SPINK5: variants seen among roughly 807,000 people sequenced by gnomAD.
The protein encoded by SPINK5 is serine peptidase inhibitor Kazal type 5.
SPINK5 carries 125 observed loss-of-function variants against 151.8 expected under a neutral mutation model. The observed-to-expected ratio is 0.82, with a 90% CI of 0.71 to 0.96. The LOEUF is 0.96. Ranked by LOEUF, SPINK5 falls within the 40% of genes least tolerant of loss-of-function variation. The pLI, the probability that SPINK5 is intolerant of heterozygous loss-of-function variation, is 0.00. For missense variants in SPINK5, 1,194 were observed against 1,291.9 expected (o/e 0.92, Z 1.16); for synonymous variants, 374 against 395.3 (o/e 0.95, Z 0.64).
intron 4 of SPINK5, among the ~76,000 whole-genome samples, chr5:148,076,162 C>A (rs928053109): frequency 6.6e-6 from 1 of 151,728 alleles, no homozygotes; most frequent in Non-Finnish European, 1.5e-5. Context: ...CTCCCCTGTA[C>A]ACAAAGGTCT....
At chr5:148,129,096 G>C (rs140298123) in intron 30 of SPINK5, among the ~76,000 whole-genome samples, 1 of 152,122 alleles carries the variant, frequency 6.6e-6, no homozygotes, top group South Asian at 2.1e-4. Context: ...GATTCTGTAG[G>C]TATATCTGAG....
intron 12 of SPINK5, among the ~76,000 whole-genome samples, chr5:148,099,533 G>A (rs992277766): frequency 1.3e-5 from 2 of 150,868 alleles, no homozygotes; most frequent in African/African-American, 4.9e-5. Flanking sequence ...TTTAAAAGCT[G>A]AAAAACTGAG....
In SPINK5 at chr5:148,095,890, TAAA is replaced by T; in HGVS notation, c.869_871del (p.Lys290del). The T allele has an allele frequency of 6.2e-7, 1 of 1,611,754 alleles. No homozygotes were observed. Reference sequence around the variant, plus strand: ...GAAAAGCTGAAGAAAAAACTAAAGTTAAAAGAGAAATTGTGGTGAGAATCAGTT... The same window carrying T: ...GAAAAGCTGAAGAAAAAACTAAAGTTAGAGAAATTGTGGTGAGAATCAGTT... On this transcript the variant is annotated inframe_deletion, in exon 10 of 33. Transcript: ENST00000256084.
At chr5:148,119,716 G>A (rs1754200509) in intron 24 of SPINK5, among the ~76,000 whole-genome samples, 1 of 152,164 alleles carries the variant, frequency 6.6e-6, no homozygotes, top group Non-Finnish European at 1.5e-5. Context: ...AAGAACCTTT[G>A]TGATTACATG....
intron 1 of SPINK5, among the ~76,000 whole-genome samples, chr5:148,064,518 C>A (rs1263199965): frequency 2.0e-5 from 3 of 152,024 alleles, no homozygotes; most frequent in Non-Finnish European, 4.4e-5. Context: ...ATTCAATCAT[C>A]TGTTCTTATT....
At chr5:148,108,088 C>T (rs1000211818) in intron 17 of SPINK5, among the ~76,000 whole-genome samples, 2 of 151,896 alleles carry the variant, frequency 1.3e-5, no homozygotes, top group African/African-American at 4.8e-5. Flanking sequence ...TTCTCTCACC[C>T]GTTCAATTTG....
intron 4 of SPINK5, among the ~76,000 whole-genome samples, chr5:148,072,811 T>G (rs2127192509): frequency 6.6e-6 from 1 of 151,572 alleles, no homozygotes; most frequent in Admixed American, 6.6e-5. Flanking sequence ...TGTTTATATC[T>G]ATTTTGCAGA....
intron 22 of SPINK5, among the ~76,000 whole-genome samples, chr5:148,118,177 C>G (rs1161282575): frequency 1.3e-5 from 2 of 152,160 alleles, no homozygotes; most frequent in Non-Finnish European, 2.9e-5. Context: ...CGCCACCATG[C>G]CCAGCTAATT....
At position 148,072,203 on chromosome 5, in the gene SPINK5, G is replaced by A. The variant is rs764171624; in HGVS notation, c.265G>A (p.Ala89Thr). The A allele has an allele frequency of 6.2e-7, 1 of 1,612,222 alleles. No homozygotes were observed. The highest frequency in any genetic ancestry group is 8.5e-7 in the Non-Finnish European group (1 of 1,178,666). ...RARHLARAPK[A>T]TAPTELNCDD... ...CAGGCATTTAGCAAGAGCTCCCAAG[G>A]CTACTGCCCCAACAGAGGTGAGACT... The change falls in exon 4 of 33, where the codon GCT (alanine) becomes ACT (threonine). Residue 89 changes from alanine to threonine, a missense_variant. Ala to Thr is a moderately conservative substitution (Grantham distance 58, BLOSUM62 0). Transcript: ENST00000256084.
At chr5:148,066,424 G>A (rs1323069969) in intron 2 of SPINK5, among the ~76,000 whole-genome samples, 2 of 151,952 alleles carry the variant, frequency 1.3e-5, no homozygotes, top group South Asian at 2.1e-4. Context: ...CTCTGGCCAC[G>A]AACATTAAAG....
chr5:148,123,414 T>TTATATATAGATAGATATCTATCTATCTA (rs1554106759), intron 26 of SPINK5, among the ~76,000 whole-genome samples: 1 of 134,954 alleles, frequency 7.4e-6, no homozygotes, highest in Non-Finnish European at 1.5e-5. Flanking sequence ...ATATAATATA[T>TTATATATAGATAGATATCTATCTATCTA]TATATATATA....
Position 148,101,778 on chromosome 5 carries a change from C to T in SPINK5, c.1303-3C>T. On this transcript the variant is annotated splice_region_variant and splice_polypyrimidine_tract_variant and intron_variant, in intron 14 of 32. Transcript: ENST00000256084. Reference sequence around the variant, plus strand: ...CTTTCAACTTCCTGCCTCAATTTCACAGGAGTTGTGTAGTGAATACCGCAA... The same window carrying T: ...CTTTCAACTTCCTGCCTCAATTTCATAGGAGTTGTGTAGTGAATACCGCAA... 1.9e-6 allele frequency: 3 copies of T among 1,613,664 alleles called. No homozygotes were observed. The highest frequency in any genetic ancestry group is 2.5e-6 in the Non-Finnish European group (3 of 1,179,692).
At chr5:148,103,300 A>G (rs1226046433) in intron 15 of SPINK5, among the ~76,000 whole-genome samples, 1 of 152,148 alleles carries the variant, frequency 6.6e-6, no homozygotes, top group African/African-American at 2.4e-5. Context: ...AAAAAACAAA[A>G]CTAAGGCCCA....
In SPINK5 at chr5:148,086,522, G is replaced by T; in HGVS notation, c.400G>T (p.Ala134Ser). 1 of 1,611,166 alleles carries T rather than the reference G, an allele frequency of 6.2e-7. No homozygotes were observed. The highest frequency in any genetic ancestry group is 8.5e-7 in the Non-Finnish European group (1 of 1,178,422). ...KTYDNRCALCAENAKTGSQIG... is the reference protein window; with the variant it reads ...KTYDNRCALCSENAKTGSQIG... ...ATATGACAACAGATGTGCACTGTGTGCTGAGAATGCGTGAGTATTCTCTGA... is the reference window on the plus strand; with the variant it reads ...ATATGACAACAGATGTGCACTGTGTTCTGAGAATGCGTGAGTATTCTCTGA... Residue 134 changes from alanine to serine, a missense_variant, in exon 5 of 33, where the codon GCT becomes TCT. By Grantham distance (99) the Ala-to-Ser change is moderately conservative. Transcript: ENST00000256084.
At chr5:148,073,470 T>TG (rs1334274426) in intron 4 of SPINK5, among the ~76,000 whole-genome samples, 1 of 151,874 alleles carries the variant, frequency 6.6e-6, no homozygotes, top group African/African-American at 2.4e-5. Flanking sequence ...CTACAAAATC[T>TG]GTGGGGGCCA....
chr5:148,111,101 A>G (rs1375353116), intron 18 of SPINK5, among the ~76,000 whole-genome samples: 1 of 151,960 alleles, frequency 6.6e-6, no homozygotes, highest in African/African-American at 2.4e-5. Context: ...GCAGAGCTGT[A>G]TTCCTTTTCT....
rs2303074 is a variant in SPINK5 at position 148,124,978 on chromosome 5, A to G, written c.2739+141A>G. ...GATTTTTCTTGTCTTGTCACTTTGT[A>G]TCATAACAAGATTTTTGGGGGTTTG... On this transcript the variant is annotated intron_variant, in intron 28 of 32. Transcript: ENST00000256084. 6.4e-6 allele frequency: 8 copies of G among 1,250,946 alleles called. No individual in the cohort carries two copies. In the African/African-American group the frequency reaches 1.3e-4, roughly 20 times the overall value. 77.5% of individuals were successfully genotyped at this position (1,250,946 alleles called of 1,614,324 possible). A position where few individuals can be genotyped will look rare whatever the true frequency, so the allele number is the denominator to read the frequency against.
Position 148,125,815 on chromosome 5 carries a change from C to A in SPINK5, c.2832C>A (p.Phe944Leu), listed in dbSNP as rs746519307. Residue 944 changes from phenylalanine (F) to leucine (L), a missense_variant, in exon 29 of 33, where the codon TTC (phenylalanine) becomes TTA (leucine). Coordinates refer to ENST00000256084, the MANE Select transcript of SPINK5 (RefSeq NM_006846.4). ...NDPVHGADGKFYTNKCYMCRA... is the reference protein window; with the variant it reads ...NDPVHGADGKLYTNKCYMCRA... Reference sequence around the variant, plus strand: ...CAGTGCACGGTGCTGATGGAAAGTTCTATACAAACAAGTGCTACATGTGCA... The same window carrying A: ...CAGTGCACGGTGCTGATGGAAAGTTATATACAAACAAGTGCTACATGTGCA... 2 of 1,614,188 alleles carry A rather than the reference C, an allele frequency of 1.2e-6. No individual in the cohort carries two copies. Among genetic ancestry groups the A allele is most frequent in the South Asian group, 2.2e-5 (2 of 91,082 alleles).
intron 1 of SPINK5, 115 bp from the exon 2 acceptor site, chr5:148,065,232 G>A (rs1752547904): frequency 7.5e-6 from 9 of 1,193,032 alleles, no homozygotes; most frequent in Middle Eastern, 2.6e-4. Flanking sequence ...ACCATTTGCG[G>A]TTTTACAACA....
Sources: gnomAD v4.1 joint callset for allele counts (sites outside exome capture counted in the v4.1 genomes callset) on GRCh38, gnomAD v4.1.1 for gene constraint, MANE v1.5 for transcripts, NCBI Gene and HGNC (gene_info 2026-07-23, HGNC 2026-07-21) for gene names.